APC: variants seen among roughly 807,000 people sequenced by gnomAD.
APC encodes the protein APC regulator of Wnt signaling pathway.
Under a neutral mutation model 247.0 loss-of-function variants are expected in APC, and 72 were observed. The observed-to-expected ratio is 0.29, with a 90% confidence interval of 0.24 to 0.35. The LOEUF is 0.35. Among genes scored for constraint, APC ranks in the 10% least tolerant of loss-of-function variants. APC has a pLI of 1.00. For missense variants in APC, 3,400 were observed against 3,360.7 expected (o/e 1.01, Z -0.29); for synonymous variants, 1,254 against 1,162.5 (o/e 1.08, Z -1.60).
intron 6 of APC, among the ~76,000 whole-genome samples, chr5:112,787,028 C>T (rs900090306): frequency 2.0e-5 from 3 of 151,904 alleles, no homozygotes; most frequent in Admixed American, 6.6e-5. Context: ...GCTGGAATTA[C>T]AGGCATGTGC....
rs781533317 is a variant in APC at position 112,840,892 on chromosome 5, T to C, written c.5298T>C (p.Asp1766=). 2.6e-5 allele frequency: 42 copies of C among 1,613,754 alleles called. No individual in the cohort carries two copies. The Admixed American group carries it at 6.7e-4, about 26-fold the overall frequency. Residue 1766 remains aspartate, a synonymous_variant, in exon 16 of 16, where the codon GAT becomes GAC. Coordinates refer to ENST00000257430, the MANE Select transcript of APC (RefSeq NM_000038.6). The surrounding 1 kb of genome is among the most constrained non-coding windows in gnomAD (Gnocchi z 4.1). The part of the protein sequence containing the change: ...SSSAPNKNQL[D]GKKKKPTSPV... The stretch of plus-strand genomic sequence containing the variant: ...CTGCACCCAACAAAAATCAGTTAGA[T>C]GGTAAGAAAAAGAAACCAACTTCAC...
chr5:112,721,115 A>G (rs114200802), intron 1 of APC, among the ~76,000 whole-genome samples: 1,664 of 152,256 alleles, frequency 0.011, 16 homozygotes, highest in Non-Finnish European at 0.017. Context: ...GATACATTTT[A>G]AAGACTGGAA....
chr5:112,715,410 C>T (rs1041777480), intron 1 of APC, among the ~76,000 whole-genome samples: 2 of 152,074 alleles, frequency 1.3e-5, no homozygotes, highest in African/African-American at 4.8e-5. Context: ...ACAGGGGATA[C>T]TACTTTAGTT....
chr5:112,835,297 T>A, intron 15 of APC, 132 bp downstream of exon 15: 1 of 796,406 alleles, frequency 1.3e-6, no homozygotes, highest in Non-Finnish European at 2.1e-6. Context: ...AAAAGATAAC[T>A]ACTAACTCTT....
chr5:112,769,655 T>C (rs1363630631), intron 4 of APC, among the ~76,000 whole-genome samples: 2 of 152,178 alleles, frequency 1.3e-5, no homozygotes, highest in Non-Finnish European at 2.9e-5. Context: ...TCTGTGACCT[T>C]GGTTAAGTCA....
chr5:112,815,547 G>T lies in APC; in HGVS notation c.887G>T (p.Ser296Ile). Residue 296 changes from serine (S) to isoleucine (I), a missense_variant, in exon 9 of 16, where the codon AGC becomes ATC. Around this residue, in one of 9 missense-constraint regions of APC, gnomAD observed 372 missense variants for 367.6 expected, o/e 1.01. Coordinates refer to ENST00000257430, the MANE Select transcript of APC (RefSeq NM_000038.6). The part of the protein sequence containing the change: ...HETASVLSSS[S>I]THSAPRRLTS... The stretch of plus-strand genomic sequence containing the variant: ...ACAGCCAGTGTTTTGAGTTCTAGTA[G>T]CACACACTCTGCACCTCGAAGGCTG... 1 of 1,612,404 alleles carries T rather than the reference G, an allele frequency of 6.2e-7. No homozygotes were observed. Among genetic ancestry groups the T allele is most frequent in the Non-Finnish European group, 8.5e-7 (1 of 1,178,874 alleles).
upstream of APC, among the ~76,000 whole-genome samples, chr5:112,733,906 A>T (rs926866796): frequency 2.0e-5 from 3 of 152,214 alleles, no homozygotes; most frequent in Admixed American, 6.5e-5. Context: ...GTGTTTGCTG[A>T]TTAGAGAGGA....
chr5:112,735,500 C>CATATATATATATATAT (rs3884086), upstream of APC, among the ~76,000 whole-genome samples: 2 of 146,600 alleles, frequency 1.4e-5, no homozygotes, highest in South Asian at 2.1e-4. Flanking sequence ...TTAATGCATA[C>CATATATATATATATAT]ATATATATAT....
At position 112,843,357 on chromosome 5, in the gene APC, A is replaced by G. The variant is rs1554088648; in HGVS notation, c.7763A>G (p.Asp2588Gly). 1 of 1,613,994 alleles carries G rather than the reference A, an allele frequency of 6.2e-7. No individual in the cohort carries two copies. Among genetic ancestry groups the G allele is most frequent in the Non-Finnish European group, 8.5e-7 (1 of 1,179,904 alleles). Reference sequence around the variant, plus strand: ...TCCAGTGAAAAAGCAAAAAGTGAGGATGAAAAACATGTGAACTCTATTTCA... The same window carrying G: ...TCCAGTGAAAAAGCAAAAAGTGAGGGTGAAAAACATGTGAACTCTATTTCA... Reference protein sequence around the residue: ...SESSEKAKSEDEKHVNSISGT... With the variant: ...SESSEKAKSEGEKHVNSISGT... Residue 2588 changes from aspartate (D) to glycine (G), a missense_variant, in exon 16 of 16, where the codon GAT (aspartate) becomes GGT (glycine). Coordinates refer to ENST00000257430, the MANE Select transcript of APC (RefSeq NM_000038.6). This position sits in a 1 kb window ranked among gnomAD's most constrained non-coding sequence, Gnocchi z 4.8.
upstream of APC, among the ~76,000 whole-genome samples, chr5:112,737,322 C>G (rs996049638): frequency 5.3e-5 from 8 of 152,094 alleles, no homozygotes; most frequent in African/African-American, 9.7e-5. Context: ...CTCAGGCAAC[C>G]CAGACTTCCA....
intron 15 of APC, among the ~76,000 whole-genome samples, chr5:112,836,499 C>T (rs1193826752): frequency 1.3e-5 from 2 of 152,118 alleles, no homozygotes; most frequent in Non-Finnish European, 2.9e-5. Flanking sequence ...CCTTGCCATT[C>T]AGTTTTAAAG....
rs1765231973 is a variant in APC, at chr5:112,838,232, A to T, written c.2638A>T (p.Ile880Phe). 1 of 1,614,188 alleles carries T rather than the reference A, an allele frequency of 6.2e-7. No individual in the cohort carries two copies. Among genetic ancestry groups the T allele is most frequent in the Non-Finnish European group, 8.5e-7 (1 of 1,180,044 alleles). ...AACTTCTTCAAAGCGAGGTTTGCAG[A>T]TCTCCACCACTGCAGCCCAGATTGC... is the stretch of plus-strand genomic sequence containing the variant. Reference protein sequence around the residue: ...PGTSSKRGLQISTTAAQIAKV... With the variant: ...PGTSSKRGLQFSTTAAQIAKV... Residue 880 changes from isoleucine (I) to phenylalanine (F), a missense_variant, in exon 16 of 16, where the codon ATC becomes TTC. Ile to Phe is a conservative substitution (Grantham distance 21). Transcript: ENST00000257430.
At chr5:112,724,456 C>G (rs59774564) in intron 1 of APC, among the ~76,000 whole-genome samples, 1 of 152,072 alleles carries the variant, frequency 6.6e-6, no homozygotes. Context: ...TTGGACCAGG[C>G]GCAATACTAG....
At position 112,784,466 on chromosome 5, in the gene APC, G is replaced by A. The variant is rs565560321; in HGVS notation, c.645+3563G>A. ...ATTAAAATGCCTGTGCTCTATGACC[G>A]TGTGTTTCTATAGGACTTCTAGGAA... On this transcript the variant is annotated intron_variant, in intron 6 of 15. Transcript: ENST00000257430. 1.2e-4 allele frequency among the ~76,000 whole-genome samples: 19 copies of A among 152,312 alleles called. No individual in the cohort carries two copies. In the South Asian group the frequency reaches 3.3e-3, roughly 27 times the overall value.
chr5:112,795,722 T>G (rs1359334101), intron 7 of APC, among the ~76,000 whole-genome samples: 1 of 152,214 alleles, frequency 6.6e-6, no homozygotes, highest in Non-Finnish European at 1.5e-5. Context: ...AAAGACACTT[T>G]TAGATAGGCA....
chr5:112,761,707 C>T (rs886763654), intron 2 of APC, among the ~76,000 whole-genome samples: 1 of 152,100 alleles, frequency 6.6e-6, no homozygotes, highest in African/African-American at 2.4e-5. Context: ...AAACAGAATG[C>T]CAAAGCACCA....
chr5:112,767,904 T>C (rs1396967116), intron 4 of APC, among the ~76,000 whole-genome samples: 1 of 152,202 alleles, frequency 6.6e-6, no homozygotes, highest in African/African-American at 2.4e-5. Context: ...AATTATTATA[T>C]TTATACGTAG....
chr5:112,816,807 AAG>A (rs1488024668), intron 9 of APC, among the ~76,000 whole-genome samples: 1 of 151,962 alleles, frequency 6.6e-6, no homozygotes, highest in Non-Finnish European at 1.5e-5. Context: ...AGAAAAAAAA[AAG>A]AGGAAAATAT....
chr5:112,709,136 G>A (rs1750700366), intron 1 of APC, among the ~76,000 whole-genome samples: 1 of 152,152 alleles, frequency 6.6e-6, no homozygotes, highest in Non-Finnish European at 1.5e-5. Flanking sequence ...GAGCAATATC[G>A]TTTTCTTGAA....
Sources: gnomAD v4.1 joint callset for allele counts (sites outside exome capture counted in the v4.1 genomes callset) on GRCh38, gnomAD v4.1.1 for gene constraint, gnomAD v4.1.1 regional missense constraint, Gnocchi (gnomAD v3.1) non-coding constraint, MANE v1.5 for transcripts, NCBI Gene and HGNC (gene_info 2026-07-23, HGNC 2026-07-21) for gene names.